NFIB: variants seen among roughly 807,000 people sequenced by gnomAD.
NFIB encodes nuclear factor I B.
In NFIB, 11 loss-of-function variants were observed where a neutral mutation model predicts 61.5. The observed-to-expected ratio is 0.18, with a 90% CI of 0.11 to 0.30. The LOEUF (loss-of-function observed/expected upper bound fraction) is 0.30. NFIB is among the 10% of genes least tolerant of loss of function. NFIB has a pLI of 1.00. For missense variants in NFIB, 471 were observed against 608.9 expected (o/e 0.77, Z 2.38); for synonymous variants, 260 against 216.5 (o/e 1.20, Z -1.76).
chr9:14,289,108 G>GTA (rs1231984724), intron 2 of NFIB, among the ~76,000 whole-genome samples: 5 of 144,806 alleles, frequency 3.5e-5, no homozygotes, highest in South Asian at 2.1e-4. Flanking sequence ...GTGTGTGTAT[G>GTA]TGTGTGTGTA....
At chr9:14,389,266 G>C (rs1588410790) in intron 1 of NFIB, among the ~76,000 whole-genome samples, 1 of 151,932 alleles carries the variant, frequency 6.6e-6, no homozygotes, top group East Asian at 1.9e-4. Context: ...TTGTTTTCTA[G>C]AATCACATGT....
At chr9:14,498,427 G>A in the NFIB span, among the ~76,000 whole-genome samples, 2 of 152,210 alleles carry the variant, frequency 1.3e-5, no homozygotes, top group African/African-American at 4.8e-5. Context: ...TGGACAACCA[G>A]TGAAAACAAA....
At chr9:14,300,044 G>C (rs1044949796) in intron 2 of NFIB, 4 of 394,330 alleles carry the variant, frequency 1.0e-5, no homozygotes, top group African/African-American at 2.1e-5. Context: ...TTACTACAAC[G>C]CACTTAGTTT....
At chr9:14,281,338 G>T (rs1041629508) in intron 2 of NFIB, among the ~76,000 whole-genome samples, 5 of 152,126 alleles carry the variant, frequency 3.3e-5, no homozygotes, top group Non-Finnish European at 5.9e-5. Context: ...AGGAGAACTA[G>T]TACATTTATA....
At chr9:14,096,910 A>T (rs1324898801) in intron 10 of NFIB, among the ~76,000 whole-genome samples, 1 of 152,186 alleles carries the variant, frequency 6.6e-6, no homozygotes, top group African/African-American at 2.4e-5. Context: ...CTGGAATACA[A>T]TTAATTTCTT....
chr9:14,194,144 C>G (rs1268025306), intron 2 of NFIB, among the ~76,000 whole-genome samples: 1 of 152,124 alleles, frequency 6.6e-6, no homozygotes, highest in Non-Finnish European at 1.5e-5. Context: ...AGGCAAACTT[C>G]TAATGCACAT....
the NFIB span, among the ~76,000 whole-genome samples, chr9:14,423,430 C>T: frequency 2.0e-5 from 3 of 152,320 alleles, no homozygotes; most frequent in South Asian, 6.2e-4. Context: ...ATGAGTTATA[C>T]TTTCAGCCCA....
At chr9:14,351,727 G>A (rs965889554) in intron 1 of NFIB, among the ~76,000 whole-genome samples, 1 of 152,210 alleles carries the variant, frequency 6.6e-6, no homozygotes, top group Non-Finnish European at 1.5e-5. Context: ...GACTGTGACT[G>A]AATTTTAGAA....
At position 14,125,342 on chromosome 9, in the gene NFIB, G is replaced by C. The variant is rs192585128; in HGVS notation, c.1060+290C>G. On this transcript the variant is annotated intron_variant, in intron 7 of 10. Coordinates refer to ENST00000380953, the MANE Select transcript of NFIB (RefSeq NM_001190737.2). ...CAGGCTAATTTTTGTATTTTTAGTA[G>C]AGACGGGGTTCCACCATGTTGGTCA... Among the ~76,000 whole-genome samples the C allele has an allele frequency of 3.3e-5, 5 of 152,210 alleles. No homozygotes were observed. The East Asian group carries it at 9.7e-4, about 29-fold the overall frequency.
At chr9:14,510,527 G>T in the NFIB span, among the ~76,000 whole-genome samples, 1 of 152,160 alleles carries the variant, frequency 6.6e-6, no homozygotes, top group South Asian at 2.1e-4. Flanking sequence ...AATATCTGTA[G>T]CATTTTTGCA....
chr9:14,237,846 T>A (rs1415480102), intron 2 of NFIB, among the ~76,000 whole-genome samples: 1 of 115,508 alleles, frequency 8.7e-6, no homozygotes, highest in South Asian at 2.6e-4. Context: ...TATAACAGTG[T>A]GTGTGTGTGT....
At chr9:14,420,670 A>C in the NFIB span, among the ~76,000 whole-genome samples, 1 of 152,138 alleles carries the variant, frequency 6.6e-6, no homozygotes, top group African/African-American at 2.4e-5. Flanking sequence ...AAGGAAGAGA[A>C]GAATCCAAGG....
At chr9:14,478,928 A>C in the NFIB span, among the ~76,000 whole-genome samples, 2 of 152,226 alleles carry the variant, frequency 1.3e-5, no homozygotes, top group Admixed American at 1.3e-4. Flanking sequence ...CATTCCCATC[A>C]CCAGGGTGCA....
At chr9:14,440,562 T>C in the NFIB span, among the ~76,000 whole-genome samples, 2 of 152,200 alleles carry the variant, frequency 1.3e-5, no homozygotes, top group African/African-American at 4.8e-5. Context: ...AAAGCGGGGC[T>C]ATGAAATAAA....
chr9:14,411,020 C>T, the NFIB span, among the ~76,000 whole-genome samples: 3 of 152,166 alleles, frequency 2.0e-5, no homozygotes, highest in African/African-American at 7.2e-5. Flanking sequence ...CCAAACCCCA[C>T]AATTGATGCT....
chr9:14,236,013 C>G (rs75242630), intron 2 of NFIB, among the ~76,000 whole-genome samples: 4,092 of 152,172 alleles, frequency 0.027, 189 homozygotes, highest in African/African-American at 0.093. Context: ...AGGCTGGGCT[C>G]CAGTATCAAG....
the NFIB span, among the ~76,000 whole-genome samples, chr9:14,510,361 C>A: frequency 6.6e-6 from 1 of 152,098 alleles, no homozygotes; most frequent in African/African-American, 2.4e-5. Context: ...AGAAGGTACC[C>A]AATGAGAGAC....
chr9:14,081,968 T>C lies in NFIB; in HGVS notation c.*6341A>G, dbSNP rs550072270. 9.7e-6 allele frequency: 2 copies of C among 206,086 alleles called. No individual in the cohort carries two copies. The highest frequency in any genetic ancestry group is 3.8e-4 in the South Asian group (2 of 5,282). The allele number at this position is 206,086 out of a possible 1,614,324, so 12.8% of individuals were successfully genotyped here. ...TATAGGCTGGATATAACAGTAACAA[T>C]CACATTAAGTCAAGCTTGATTTACA... On this transcript the variant is annotated 3_prime_UTR_variant, in exon 11 of 11. Transcript: ENST00000380953.
intron 1 of NFIB, chr9:14,357,990 G>C (rs908802897): frequency 1.3e-5 from 2 of 152,154 alleles, no homozygotes; most frequent in African/African-American, 4.8e-5. Context: ...CTTGGGGAGA[G>C]TTTGGGGAGC....
Sources: allele counts gnomAD v4.1 joint callset (sites outside exome capture counted in the v4.1 genomes callset), GRCh38; gene constraint gnomAD v4.1.1; transcripts MANE v1.5; gene names NCBI Gene and HGNC (gene_info 2026-07-23, HGNC 2026-07-21).